SNX29: variants seen among roughly 807,000 people sequenced by gnomAD.
SNX29 encodes the protein sorting nexin 29.
Under a neutral mutation model 102.1 loss-of-function variants are expected in SNX29, and 78 were observed. The observed-to-expected ratio is 0.76, with a 90% CI of 0.64 to 0.92. The LOEUF (loss-of-function observed/expected upper bound fraction) is 0.92, where lower values mean the gene tolerates loss of function less well. SNX29 is among the 40% of genes least tolerant of loss of function. The pLI, the probability that SNX29 is intolerant of heterozygous loss-of-function variation, is 0.00. For missense variants in SNX29, 1,280 were observed against 1,061.7 expected, an observed-to-expected ratio of 1.21 and a Z score of -2.86; for synonymous variants, 580 against 414.5, an observed-to-expected ratio of 1.40 and a Z score of -4.85.
intron 8 of SNX29, among the ~76,000 whole-genome samples, chr16:12,059,028 C>T (rs2050653312): frequency 6.6e-6 from 1 of 152,004 alleles, no homozygotes; most frequent in Admixed American, 6.6e-5. Flanking sequence ...CTCGGCCTCC[C>T]AAAGTACCGG....
chr16:12,452,006 G>T (rs1007514586), intron 18 of SNX29, among the ~76,000 whole-genome samples: 1 of 152,190 alleles, frequency 6.6e-6, no homozygotes, highest in Non-Finnish European at 1.5e-5. Flanking sequence ...TTCAGCTCTA[G>T]AAAGGGCCCA....
chr16:12,395,366 AT>A (rs1321742224), intron 16 of SNX29, among the ~76,000 whole-genome samples: 1 of 152,214 alleles, frequency 6.6e-6, no homozygotes, highest in African/African-American at 2.4e-5. Flanking sequence ...AGAGGAGATG[AT>A]GGAAACTTCT....
At chr16:12,012,404 C>G (rs2056683975) in intron 3 of SNX29, among the ~76,000 whole-genome samples, 1 of 152,052 alleles carries the variant, frequency 6.6e-6, no homozygotes, top group Non-Finnish European at 1.5e-5. Flanking sequence ...GGCAGTATTT[C>G]TTTTGTTTAT....
At position 12,571,771 on chromosome 16, in the gene SNX29, A is replaced by AAC. The variant is rs1182265333; in HGVS notation, c.*3143_*3144dup. On this transcript the variant is annotated 3_prime_UTR_variant, in exon 21 of 21. Coordinates refer to ENST00000566228, the MANE Select transcript of SNX29 (RefSeq NM_032167.5). ...ACCATCCACTCCTGATCTGAGACAG[A>AAC]ACCTTCTCCGCCACTCTTCCTGCAA... 1 of 1,010,980 alleles carries AAC rather than the reference A, an allele frequency of 9.9e-7. No homozygotes were observed. The highest frequency in any genetic ancestry group is 1.2e-6 in the Non-Finnish European group (1 of 831,018). 62.6% of individuals were successfully genotyped at this position (1,010,980 alleles called of 1,614,324 possible).
chr16:12,271,888 G>A (rs958755089), intron 14 of SNX29, among the ~76,000 whole-genome samples: 1 of 152,198 alleles, frequency 6.6e-6, no homozygotes, highest in African/African-American at 2.4e-5. Flanking sequence ...CTCCCGAAGT[G>A]CTGGGATTTC....
intron 19 of SNX29, 116 bp from the exon 20 acceptor site, chr16:12,524,586 G>A (rs931285266): frequency 8.4e-6 from 10 of 1,196,064 alleles, no homozygotes; most frequent in African/African-American, 1.6e-5. Flanking sequence ...CGAGATAGTT[G>A]CTCAATCAGT....
chr16:12,191,351 T>A (rs1168328937), intron 13 of SNX29, among the ~76,000 whole-genome samples: 1 of 151,864 alleles, frequency 6.6e-6, no homozygotes, highest in Non-Finnish European at 1.5e-5. Context: ...CACTCTGGAG[T>A]TGCACTGTCT....
chr16:12,012,241 T>G (rs542752035), intron 3 of SNX29, among the ~76,000 whole-genome samples: 1 of 152,152 alleles, frequency 6.6e-6, no homozygotes, highest in East Asian at 1.9e-4. Flanking sequence ...GATAGGAATT[T>G]TAGGCAGAGG....
At chr16:12,270,451 T>A (rs1343062249) in intron 14 of SNX29, among the ~76,000 whole-genome samples, 1 of 152,158 alleles carries the variant, frequency 6.6e-6, no homozygotes, top group Non-Finnish European at 1.5e-5. Flanking sequence ...CAAGGCAAAT[T>A]GAACCTTCTC....
intron 20 of SNX29, among the ~76,000 whole-genome samples, chr16:12,561,863 C>T (rs913031884): frequency 4.6e-5 from 7 of 152,266 alleles, no homozygotes; most frequent in Admixed American, 3.9e-4. Flanking sequence ...GCCCTGGGGA[C>T]TTATGGGCTG....
At chr16:12,058,225 T>C (rs1292610246) in intron 8 of SNX29, among the ~76,000 whole-genome samples, 1 of 141,536 alleles carries the variant, frequency 7.1e-6, no homozygotes. Context: ...AAAAAAGACA[T>C]GTGGGAAACT....
chr16:12,511,656 T>A (rs1223901823), intron 19 of SNX29, among the ~76,000 whole-genome samples: 3 of 152,204 alleles, frequency 2.0e-5, no homozygotes, highest in Non-Finnish European at 2.9e-5. Flanking sequence ...TATTTTCTGT[T>A]CTAACATTTA....
intron 13 of SNX29, among the ~76,000 whole-genome samples, chr16:12,168,008 C>T (rs547252669): frequency 7.2e-5 from 11 of 152,288 alleles, no homozygotes; most frequent in East Asian, 5.8e-4. Context: ...CAGCACGCTG[C>T]GCTGGCTCTC....
chr16:12,170,339 G>A (rs758336696), intron 13 of SNX29, among the ~76,000 whole-genome samples: 4 of 151,996 alleles, frequency 2.6e-5, no homozygotes, highest in African/African-American at 7.2e-5. Flanking sequence ...GTGAGCTGGC[G>A]ACTGGGGAGG....
chr16:12,559,827 C>G (rs1049876491), intron 20 of SNX29, among the ~76,000 whole-genome samples: 14 of 152,196 alleles, frequency 9.2e-5, no homozygotes, highest in Non-Finnish European at 2.1e-4. Context: ...ATCATCATCT[C>G]TGGCATTCTA....
intron 19 of SNX29, among the ~76,000 whole-genome samples, chr16:12,491,422 C>T (rs969397816): frequency 6.6e-6 from 1 of 152,216 alleles, no homozygotes; most frequent in African/African-American, 2.4e-5. Context: ...ACATTCACAA[C>T]AGCACTTGGC....
intron 16 of SNX29, among the ~76,000 whole-genome samples, chr16:12,365,597 G>A (rs1419376739): frequency 6.6e-6 from 1 of 151,772 alleles, no homozygotes; most frequent in Non-Finnish European, 1.5e-5. Flanking sequence ...GGCTGAGGCA[G>A]GAGAATCGCT....
intron 15 of SNX29, among the ~76,000 whole-genome samples, chr16:12,318,000 G>A (rs1341288538): frequency 1.3e-5 from 2 of 152,334 alleles, no homozygotes; most frequent in Non-Finnish European, 2.9e-5. Context: ...TGGCTGAGGC[G>A]GTGGTTGTCA....
At chr16:12,187,585 G>T (rs889048492) in intron 13 of SNX29, among the ~76,000 whole-genome samples, 2 of 150,964 alleles carry the variant, frequency 1.3e-5, no homozygotes, top group Non-Finnish European at 2.9e-5. Flanking sequence ...TCCCAGTTGT[G>T]TTCTCTCCAT....
Sources: allele counts gnomAD v4.1 joint callset (sites outside exome capture counted in the v4.1 genomes callset), GRCh38; gene constraint gnomAD v4.1.1; transcripts MANE v1.5; gene names NCBI Gene and HGNC (gene_info 2026-07-23, HGNC 2026-07-21).